TOP1: variants seen among roughly 807,000 people sequenced by gnomAD.
The protein encoded by TOP1 is DNA topoisomerase I.
TOP1 carries 10 observed loss-of-function variants against 111.1 expected under a neutral mutation model. That is an observed-to-expected ratio of 0.09 (90% CI 0.06 to 0.15). The LOEUF is 0.15. TOP1 is among the 10% of genes least tolerant of loss of function. The pLI is 1.00. For missense variants in TOP1, 474 were observed against 926.7 expected (o/e 0.51, Z 6.34); for synonymous variants, 271 against 302.9 (o/e 0.89, Z 1.10).
chr20:41,030,582 A>C lies in TOP1; in HGVS notation c.58+1127A>C, dbSNP rs2033106951. On this transcript the variant is annotated intron_variant, in intron 2 of 20. Transcript: ENST00000361337. The surrounding 1 kb of genome is among the most constrained non-coding windows in gnomAD (Gnocchi z 4.1). Reference sequence around the variant, plus strand: ...TCAGTTACCCAGGGAAGAGTCCTCCAATAAAAAGCTCATCCTTGCAGGCTT... The same window carrying C: ...TCAGTTACCCAGGGAAGAGTCCTCCCATAAAAAGCTCATCCTTGCAGGCTT... 6.6e-6 allele frequency among the ~76,000 whole-genome samples: 1 copy of C among 152,044 alleles called. No homozygotes were observed. The highest frequency in any genetic ancestry group is 1.5e-5 in the Non-Finnish European group (1 of 68,018).
intron 13 of TOP1, among the ~76,000 whole-genome samples, chr20:41,107,934 T>C (rs774272611): frequency 6.6e-6 from 1 of 152,262 alleles, no homozygotes; most frequent in East Asian, 1.9e-4. Flanking sequence ...CAAGAAGTGA[T>C]CCTCCTGTCT....
chr20:41,037,109 C>G (rs1327944098), intron 2 of TOP1, among the ~76,000 whole-genome samples: 3 of 152,088 alleles, frequency 2.0e-5, no homozygotes, highest in African/African-American at 4.8e-5. Context: ...GGATTACATG[C>G]ATGAGCCACC....
chr20:41,105,529 G>A (rs111498847), intron 13 of TOP1, among the ~76,000 whole-genome samples: 8 of 152,148 alleles, frequency 5.3e-5, no homozygotes, highest in African/African-American at 1.7e-4. Context: ...CCATGTCTTC[G>A]CTCTGTCACC....
chr20:41,104,189 G>A (rs1221867673), intron 13 of TOP1, among the ~76,000 whole-genome samples: 1 of 152,138 alleles, frequency 6.6e-6, no homozygotes, highest in African/African-American at 2.4e-5. Flanking sequence ...GCAAGTTTTA[G>A]GGCCTTTAAG....
intron 7 of TOP1, among the ~76,000 whole-genome samples, chr20:41,081,515 C>T (rs1008824113): frequency 7.2e-5 from 11 of 152,170 alleles, no homozygotes. Context: ...GATGTTCTTC[C>T]AAAAACTATG....
intron 3 of TOP1, chr20:41,072,392 A>T (rs766409816): frequency 8.1e-6 from 8 of 985,458 alleles, no homozygotes; most frequent in Non-Finnish European, 4.8e-6. Context: ...TTTAGCTACC[A>T]TGAAAGTCAA....
chr20:41,096,486 C>T (rs1335724199), intron 9 of TOP1, among the ~76,000 whole-genome samples: 2 of 152,216 alleles, frequency 1.3e-5, no homozygotes, highest in African/African-American at 4.8e-5. Flanking sequence ...TGTTCCAGAG[C>T]AGTGTGTCGC....
chr20:41,107,513 A>G (rs1295963987), intron 13 of TOP1, among the ~76,000 whole-genome samples: 1 of 152,128 alleles, frequency 6.6e-6, no homozygotes, highest in Non-Finnish European at 1.5e-5. Flanking sequence ...TCCATCTATA[A>G]TTTATTTCAA....
At position 41,098,215 on chromosome 20, in the gene TOP1, G is replaced by A; in HGVS notation, c.853G>A (p.Glu285Lys). 6.2e-7 allele frequency: 1 copy of A among 1,613,472 alleles called. No individual in the cohort carries two copies. Among genetic ancestry groups the A allele is most frequent in the Non-Finnish European group, 8.5e-7 (1 of 1,179,634 alleles). Reference sequence around the variant, plus strand: ...CATCTCCCCATTTTCTTTTGACTAGGAAATGACTAATGAAGAGAAGAATAT... The same window carrying A: ...CATCTCCCCATTTTCTTTTGACTAGAAAATGACTAATGAAGAGAAGAATAT... ...RKNFFKDWRKEMTNEEKNIIT... is the reference protein window; with the variant it reads ...RKNFFKDWRKKMTNEEKNIIT... Residue 285 changes from glutamate to lysine, a missense_variant and splice_region_variant, in exon 11 of 21, where the codon GAA becomes AAA. Physicochemically the swap from Glu to Lys is moderately conservative, Grantham distance 56. Coordinates refer to ENST00000361337, the MANE Select transcript of TOP1 (RefSeq NM_003286.4). The surrounding 1 kb of genome is among the most constrained non-coding windows in gnomAD (Gnocchi z 5.7).
At chr20:41,091,251 AAGTT>A (rs1216040313) in intron 8 of TOP1, among the ~76,000 whole-genome samples, 3 of 152,210 alleles carry the variant, frequency 2.0e-5, no homozygotes, top group Non-Finnish European at 4.4e-5. Flanking sequence ...TGAGGGTAGT[AAGTT>A]AGTTATCTAT....
At chr20:41,037,628 A>G (rs2033205788) in intron 2 of TOP1, among the ~76,000 whole-genome samples, 1 of 152,264 alleles carries the variant, frequency 6.6e-6, no homozygotes, top group Non-Finnish European at 1.5e-5. Context: ...GGCATTTGGG[A>G]GATTCCATGA....
intron 2 of TOP1, among the ~76,000 whole-genome samples, chr20:41,037,657 G>A (rs1436246035): frequency 1.3e-5 from 2 of 152,232 alleles, no homozygotes; most frequent in Admixed American, 1.3e-4. Context: ...GATAAAGTCA[G>A]TAGAAATTTC....
rs1277371932 is a variant in TOP1 at position 41,092,968 on chromosome 20, A to G, written c.730+381A>G. 6.6e-6 allele frequency among the ~76,000 whole-genome samples: 1 copy of G among 152,208 alleles called. No homozygotes were observed. The highest frequency in any genetic ancestry group is 6.5e-5 in the Admixed American group (1 of 15,286). ...TTTATGTTAGCAATATAACAATGCA[A>G]TCGGACAAGCTGCTCATCACTAGAA... is the stretch of plus-strand genomic sequence containing the variant. On this transcript the variant is annotated intron_variant, in intron 9 of 20. Transcript: ENST00000361337. The surrounding 1 kb of genome is among the most constrained non-coding windows in gnomAD (Gnocchi z 4.3).
At chr20:41,066,552 C>A (rs376304819) in intron 3 of TOP1, among the ~76,000 whole-genome samples, 1 of 135,098 alleles carries the variant, frequency 7.4e-6, no homozygotes, top group African/African-American at 2.8e-5. Flanking sequence ...TGCCTCTTTT[C>A]TTTTCTTTTT....
chr20:41,092,984 A>C lies in TOP1; in HGVS notation c.730+397A>C, dbSNP rs762170106. Among the ~76,000 whole-genome samples the C allele has an allele frequency of 6.6e-6, 1 of 152,230 alleles. No homozygotes were observed. Among genetic ancestry groups the C allele is most frequent in the Admixed American group, 6.5e-5 (1 of 15,280 alleles). On this transcript the variant is annotated intron_variant, in intron 9 of 20. Transcript: ENST00000361337. The surrounding 1 kb of genome is among the most constrained non-coding windows in gnomAD (Gnocchi z 4.3). Reference sequence around the variant, plus strand: ...AACAATGCAATCGGACAAGCTGCTCATCACTAGAAACAGTATTAGTATATG... The same window carrying C: ...AACAATGCAATCGGACAAGCTGCTCCTCACTAGAAACAGTATTAGTATATG...
Position 41,097,089 on chromosome 20 carries a change from A to G in TOP1, c.731-131A>G, listed in dbSNP as rs150662484. On this transcript the variant is annotated intron_variant, in intron 9 of 20. Transcript: ENST00000361337. The surrounding 1 kb of genome is among the most constrained non-coding windows in gnomAD (Gnocchi z 4.2). ...GTATGTTGTCTTTGTTGTTGTTGCT[A>G]CTATGTGTCACCAGACCTTTATATA... is the stretch of plus-strand genomic sequence containing the variant. The G allele has an allele frequency of 3.4e-4, 295 of 856,144 alleles. No individual in the cohort carries two copies. The African/African-American group carries it at 4.7e-3, about 14-fold the overall frequency. 53.0% of individuals were successfully genotyped at this position (856,144 alleles called of 1,614,324 possible). A position where few individuals can be genotyped will look rare whatever the true frequency, so the allele number is the denominator to read the frequency against.
At chr20:41,068,183 C>G (rs1489471080) in intron 3 of TOP1, among the ~76,000 whole-genome samples, 1 of 152,240 alleles carries the variant, frequency 6.6e-6, no homozygotes, top group African/African-American at 2.4e-5. Flanking sequence ...ACCTCAGGCA[C>G]TGCCTTTATC....
rs577384869 is a variant in TOP1 at position 41,109,686 on chromosome 20, G to A, written c.1309-3096G>A. Among the ~76,000 whole-genome samples, 1 of 152,284 alleles carries A rather than the reference G, an allele frequency of 6.6e-6. No homozygotes were observed. Among genetic ancestry groups the A allele is most frequent in the East Asian group, 1.9e-4 (1 of 5,186 alleles). On this transcript the variant is annotated intron_variant, in intron 13 of 20. Transcript: ENST00000361337. The surrounding 1 kb of genome is among the most constrained non-coding windows in gnomAD (Gnocchi z 4.1). ...ATATACTATACAAAAGAAGATACAG[G>A]AATGGTCAATAAATAAGCAAATGAA...
intron 13 of TOP1, among the ~76,000 whole-genome samples, chr20:41,107,577 TTTG>T (rs1213062852): frequency 6.6e-6 from 1 of 152,214 alleles, no homozygotes; most frequent in East Asian, 1.9e-4. Context: ...TTGTTTCATT[TTTG>T]TTTTATAATT....
Sources: gnomAD v4.1 joint callset for allele counts (sites outside exome capture counted in the v4.1 genomes callset) on GRCh38, gnomAD v4.1.1 for gene constraint, Gnocchi (gnomAD v3.1) non-coding constraint, MANE v1.5 for transcripts, NCBI Gene and HGNC (gene_info 2026-07-23, HGNC 2026-07-21) for gene names.